AFF3: variants seen among roughly 807,000 people sequenced by gnomAD.
AFF3 encodes AF4/FMR2 family member 3.
Under a neutral mutation model 129.7 loss-of-function variants are expected in AFF3, and 32 were observed. The observed-to-expected ratio is 0.25, with a 90% confidence interval of 0.19 to 0.33. The LOEUF is 0.33. Ranked by LOEUF, AFF3 falls within the 10% of genes least tolerant of loss-of-function variation. AFF3 has a pLI of 1.00. For missense variants in AFF3, 1,373 were observed against 1,592.0 expected (o/e 0.86, Z 2.34); for synonymous variants, 644 against 635.4 (o/e 1.01, Z -0.20).
At chr2:99,865,686 T>C (rs1036719569) in intron 7 of AFF3, among the ~76,000 whole-genome samples, 1 of 152,216 alleles carries the variant, frequency 6.6e-6, no homozygotes, top group African/African-American at 2.4e-5. Context: ...ATTTGATTAA[T>C]AATGTAAAAC....
At chr2:99,679,535 T>C (rs1436861183) in intron 11 of AFF3, among the ~76,000 whole-genome samples, 2 of 152,184 alleles carry the variant, frequency 1.3e-5, no homozygotes, top group Non-Finnish European at 2.9e-5. Context: ...TGCTGGATGA[T>C]GTGTGTCTTC....
chr2:99,690,832 C>T (rs765915965), intron 11 of AFF3, among the ~76,000 whole-genome samples: 2 of 150,600 alleles, frequency 1.3e-5, no homozygotes, highest in South Asian at 2.1e-4. Flanking sequence ...AGTTTATACT[C>T]AGGCATAGTG....
At position 99,564,913 on chromosome 2, in the gene AFF3, T is replaced by A. The variant is rs76127205; in HGVS notation, c.3119+574A>T. Reference sequence around the variant, plus strand: ...TTCCCTTAACTGTTGGTTACAGAGATGTGATGGAGGTGCCTTTCCAGGTCT... The same window carrying A: ...TTCCCTTAACTGTTGGTTACAGAGAAGTGATGGAGGTGCCTTTCCAGGTCT... On this transcript the variant is annotated intron_variant, in intron 20 of 24. Transcript: ENST00000672756. Among the ~76,000 whole-genome samples the A allele has an allele frequency of 1.1e-3, 161 of 152,324 alleles. 5 individuals are homozygous for A. The East Asian group carries it at 0.029, about 27-fold the overall frequency.
At chr2:99,790,739 G>C (rs1685134746) in intron 8 of AFF3, among the ~76,000 whole-genome samples, 1 of 152,044 alleles carries the variant, frequency 6.6e-6, no homozygotes, top group Non-Finnish European at 1.5e-5. Flanking sequence ...ATAGTCCTAA[G>C]GCAAAGAAAC....
intron 1 of AFF3, among the ~76,000 whole-genome samples, chr2:100,131,445 T>C (rs1216767475): frequency 3.3e-5 from 5 of 152,130 alleles, no homozygotes; most frequent in African/African-American, 4.8e-5. Context: ...ATAAATAAAC[T>C]TTTTTTAAAT....
intron 13 of AFF3, among the ~76,000 whole-genome samples, chr2:99,623,069 A>T (rs1288005615): frequency 6.6e-6 from 1 of 151,846 alleles, no homozygotes; most frequent in South Asian, 2.1e-4. Context: ...ACTTCAGAGC[A>T]CACCTGGCAG....
Position 100,061,867 on chromosome 2 carries a change from G to A in AFF3, c.53+42535C>T, listed in dbSNP as rs919321816. Among the ~76,000 whole-genome samples the A allele has an allele frequency of 3.3e-5, 5 of 149,750 alleles. 1 individual carries two copies. The highest frequency in any genetic ancestry group is 6.7e-5 in the Admixed American group (1 of 14,990). On this transcript the variant is annotated intron_variant, in intron 4 of 24. Transcript: ENST00000672756. ...TGGGTAGCACAGTGGAGGGGGGGGG[G>A]GTGCCGACTCTCAAGTCCACTGACA...
At chr2:99,742,075 G>A (rs1222821858) in intron 10 of AFF3, among the ~76,000 whole-genome samples, 2 of 152,104 alleles carry the variant, frequency 1.3e-5, no homozygotes, top group Admixed American at 6.6e-5. Context: ...ATGAAAAAAG[G>A]CCAGGTGTGG....
At chr2:99,758,854 C>T (rs1449529284) in intron 8 of AFF3, among the ~76,000 whole-genome samples, 6 of 152,156 alleles carry the variant, frequency 3.9e-5, no homozygotes, top group Admixed American at 1.3e-4. Context: ...ACTCCCAGTC[C>T]AGTATTTGTT....
chr2:99,988,238 G>A (rs1680040040), intron 7 of AFF3, among the ~76,000 whole-genome samples: 1 of 152,188 alleles, frequency 6.6e-6, no homozygotes, highest in Non-Finnish European at 1.5e-5. Context: ...GAGTAGAAAA[G>A]CCTTCTTGGA....
chr2:99,915,294 C>T (rs937262987), intron 7 of AFF3, among the ~76,000 whole-genome samples: 1 of 151,932 alleles, frequency 6.6e-6, no homozygotes, highest in Non-Finnish European at 1.5e-5. Context: ...CAATAGGGAT[C>T]AAAAGGCAAG....
chr2:99,831,038 T>C (rs534169737), intron 8 of AFF3, among the ~76,000 whole-genome samples: 1 of 152,272 alleles, frequency 6.6e-6, no homozygotes, highest in South Asian at 2.1e-4. Flanking sequence ...TGTGAAGACA[T>C]GCCAGTGAAC....
At chr2:99,824,056 C>A (rs13021035) in intron 8 of AFF3, among the ~76,000 whole-genome samples, 24,031 of 151,948 alleles carry the variant, frequency 0.16, 2,315 homozygotes, top group East Asian at 0.28. Context: ...ACCCATGTAA[C>A]AAACATGCCA....
At chr2:99,609,496 C>T (rs1680706932) in intron 13 of AFF3, among the ~76,000 whole-genome samples, 1 of 152,164 alleles carries the variant, frequency 6.6e-6, no homozygotes, top group African/African-American at 2.4e-5. Context: ...TTTTCCATTC[C>T]TGAGTCACTT....
At chr2:100,039,378 G>A (rs1188924701) in intron 4 of AFF3, among the ~76,000 whole-genome samples, 2 of 152,156 alleles carry the variant, frequency 1.3e-5, no homozygotes, top group Non-Finnish European at 2.9e-5. Flanking sequence ...GGGCAACACA[G>A]TGAGACCCCA....
chr2:99,619,030 A>C (rs1681733597), intron 13 of AFF3, among the ~76,000 whole-genome samples: 1 of 152,178 alleles, frequency 6.6e-6, no homozygotes, highest in South Asian at 2.1e-4. Flanking sequence ...TACACGTGTG[A>C]GTTACCATGC....
At chr2:99,913,138 C>A (rs1695220462) in intron 7 of AFF3, among the ~76,000 whole-genome samples, 1 of 152,188 alleles carries the variant, frequency 6.6e-6, no homozygotes, top group South Asian at 2.1e-4. Flanking sequence ...ATGACAAAGA[C>A]AGTGTCTTAT....
chr2:100,011,529 C>T (rs1192611214), intron 4 of AFF3: 1 of 781,020 alleles, frequency 1.3e-6, no homozygotes, highest in Admixed American at 1.7e-5. Context: ...ACTGAAATTC[C>T]ACAACTAGAG....
intron 7 of AFF3, among the ~76,000 whole-genome samples, chr2:99,957,779 T>G (rs528395494): frequency 9.2e-5 from 14 of 152,274 alleles, no homozygotes; most frequent in African/African-American, 3.1e-4. Context: ...GGCTTGGTCT[T>G]GTTCTGCCTA....
Sources: allele counts gnomAD v4.1 joint callset (sites outside exome capture counted in the v4.1 genomes callset), GRCh38; gene constraint gnomAD v4.1.1; transcripts MANE v1.5; gene names NCBI Gene and HGNC (gene_info 2026-07-23, HGNC 2026-07-21).